Variants in PEAR1 observed in about 807,000 individuals in gnomAD.
The protein encoded by PEAR1 is platelet endothelial aggregation receptor 1, also known as multiple EGF-like domains protein 12.
PEAR1 carries 113 observed loss-of-function variants against 131.2 expected under a neutral mutation model. The ratio of observed to expected loss-of-function variants is 0.86; its 90% CI spans 0.74 to 1.01. The LOEUF is 1.01. Ranked by LOEUF, PEAR1 falls within the 50% of genes least tolerant of loss-of-function variation. PEAR1 has a pLI of 0.00. For synonymous variants in PEAR1, 565 were observed against 523.3 expected, an observed-to-expected ratio of 1.08 and a Z score of -1.09; for missense variants, 1,408 against 1,391.1, an observed-to-expected ratio of 1.01 and a Z score of -0.19.
chr1:156,907,639 C>T lies in PEAR1; in HGVS notation c.674C>T (p.Ser225Phe). 6.2e-7 allele frequency: 1 copy of T among 1,613,960 alleles called. No homozygotes were observed. The highest frequency in any genetic ancestry group is 8.5e-7 in the Non-Finnish European group (1 of 1,179,886). Residue 225 changes from serine (S) to phenylalanine (F), a missense_variant, in exon 7 of 23, where the codon TCT becomes TTT. Physicochemically the swap from Ser to Phe is radical, Grantham distance 155. Coordinates refer to ENST00000292357, the MANE Select transcript of PEAR1 (RefSeq NM_001080471.3). ...GACGTGTCCTGTTCCCAGGGCACTT[C>T]TGGCTTCTTCTGCCCCAGCACCCAT... ...SCDVSCSQGT[S>F]GFFCPSTHSC...
rs146640686 is a variant in PEAR1, at chr1:156,914,249, C to T, written c.2962+149C>T. The T allele has an allele frequency of 1.2e-3, 1,566 of 1,283,954 alleles. 15 individuals are homozygous for T. In the African/African-American group the frequency reaches 0.019, roughly 16 times the overall value. The allele number at this position is 1,283,954 out of a possible 1,614,324, so 79.5% of individuals were successfully genotyped here. ...AGCTTCGGGCTCAAATCAGGCATGA[C>T]GGGGAGGCGACGTGGCCTCTCAGAG... On this transcript the variant is annotated intron_variant, in intron 22 of 22. Transcript: ENST00000292357.
chr1:156,909,007 C>T lies in PEAR1; in HGVS notation c.1382C>T (p.Pro461Leu). Reference sequence around the variant, plus strand: ...TGTGAAAATGCCATCGCCTGCTCACCCATCGACGGCGAGTGCGTCTGCAAG... The same window carrying T: ...TGTGAAAATGCCATCGCCTGCTCACTCATCGACGGCGAGTGCGTCTGCAAG... The part of the protein sequence containing the change: ...CSCENAIACS[P>L]IDGECVCKEG... Residue 461 changes from proline to leucine, a missense_variant, in exon 11 of 23, where the codon CCC (proline) becomes CTC (leucine). Pro to Leu is a moderately conservative substitution (Grantham distance 98). Transcript: ENST00000292357. 6.2e-7 allele frequency: 1 copy of T among 1,614,094 alleles called. No individual in the cohort carries two copies. Among genetic ancestry groups the T allele is most frequent in the South Asian group, 1.1e-5 (1 of 91,078 alleles).
At chr1:156,898,018 T>C (rs1469082113) in intron 1 of PEAR1, among the ~76,000 whole-genome samples, 2 of 152,108 alleles carry the variant, frequency 1.3e-5, no homozygotes, top group African/African-American at 4.8e-5. Flanking sequence ...CACTGCTCCC[T>C]AGTCTATGTC....
Position 156,905,318 on chromosome 1 carries a change from C to T in PEAR1, c.207-6C>T, listed in dbSNP as rs1650154155. Reference sequence around the variant, plus strand: ...GGGCTGAGGGCCGCCTTCCTGGCCTCCGCAGGGTTGTATACCGGACCGTGT... The same window carrying T: ...GGGCTGAGGGCCGCCTTCCTGGCCTTCGCAGGGTTGTATACCGGACCGTGT... On this transcript the variant is annotated splice_region_variant and splice_polypyrimidine_tract_variant and intron_variant, in intron 3 of 22. Transcript: ENST00000292357. 6.2e-7 allele frequency: 1 copy of T among 1,610,516 alleles called. No homozygotes were observed. Among genetic ancestry groups the T allele is most frequent in the Non-Finnish European group, 8.5e-7 (1 of 1,179,534 alleles).
intron 1 of PEAR1, among the ~76,000 whole-genome samples, chr1:156,894,307 C>T (rs1394676411): frequency 7.2e-5 from 11 of 152,180 alleles, no homozygotes; most frequent in Admixed American, 7.2e-4. Flanking sequence ...GGTCAAGAGG[C>T]CTGACCTCTG....
intron 4 of PEAR1, 77 bp downstream of exon 4, chr1:156,905,501 C>A: frequency 1.5e-6 from 2 of 1,298,392 alleles, no homozygotes; most frequent in Non-Finnish European, 2.1e-6. Flanking sequence ...CTGAGTCCCT[C>A]CCGGCCCCCG....
intron 4 of PEAR1, 44 bp downstream of exon 4, chr1:156,905,468 T>C (rs1464190283): frequency 1.3e-6 from 2 of 1,521,148 alleles, no homozygotes; most frequent in East Asian, 2.3e-5. Context: ...GGCAATGGAA[T>C]GCGGGGAGCT....
Position 156,903,912 on chromosome 1 carries a change from C to G in PEAR1, c.-9-6C>G, listed in dbSNP as rs777615509. 1 of 1,610,822 alleles carries G rather than the reference C, an allele frequency of 6.2e-7. No individual in the cohort carries two copies. Among genetic ancestry groups the G allele is most frequent in the Non-Finnish European group, 8.5e-7 (1 of 1,177,582 alleles). ...CACTGCCCACTCTGCGCCGGTCTTG[C>G]TGCAGGCCTCTGCAATGTCACCGCC... On this transcript the variant is annotated splice_region_variant and splice_polypyrimidine_tract_variant and intron_variant, in intron 1 of 22. Transcript: ENST00000292357.
Position 156,903,884 on chromosome 1 carries a change from C to T in PEAR1, c.-9-34C>T, listed in dbSNP as rs375125154. The T allele has an allele frequency of 1.0e-4, 161 of 1,557,656 alleles. 1 individual carries two copies. The South Asian group carries it at 1.3e-3, about 12-fold the overall frequency. On this transcript the variant is annotated intron_variant, in intron 1 of 22. Transcript: ENST00000292357. ...AGGTCCTCCAGGCTGCTGGCTGCAGCGCCACTGCCCACTCTGCGCCGGTCT... is the reference window on the plus strand; with the variant it reads ...AGGTCCTCCAGGCTGCTGGCTGCAGTGCCACTGCCCACTCTGCGCCGGTCT...
At position 156,912,839 on chromosome 1, in the gene PEAR1, G is replaced by C; in HGVS notation, c.2279G>C (p.Gly760Ala). Residue 760 changes from glycine (G) to alanine (A), a missense_variant, in exon 18 of 23, where the codon GGC becomes GCC. By Grantham distance (60) the Gly-to-Ala change is moderately conservative. Transcript: ENST00000292357. Reference sequence around the variant, plus strand: ...TATAACTCGCTGGGTGCAGTGATTGGCATTGCAGTGCTGGGGTCCCTTGTG... The same window carrying C: ...TATAACTCGCTGGGTGCAGTGATTGCCATTGCAGTGCTGGGGTCCCTTGTG... ...VAYNSLGAVI[G>A]IAVLGSLVVA... 1 of 1,614,244 alleles carries C rather than the reference G, an allele frequency of 6.2e-7. No homozygotes were observed. Among genetic ancestry groups the C allele is most frequent in the South Asian group, 1.1e-5 (1 of 91,084 alleles).
In PEAR1 at chr1:156,910,091, G is replaced by GAC; in HGVS notation, c.1661_1662insAC (p.Cys554Ter). Residue 554 changes from cysteine to a stop codon, truncating the protein, a stop_gained and frameshift_variant, in exon 13 of 23, where the codon TGC becomes TGACC. Coordinates refer to ENST00000292357, the MANE Select transcript of PEAR1 (RefSeq NM_001080471.3). LOFTEE classifies it high-confidence loss of function. ...GACCCTGTTCATGGACGCTGTCAGT[G>GAC]CCAGGCTGGCTGGATGGGTGAGCAT... The part of the protein sequence containing the change: ...GCDPVHGRCQ[C>*]QAGWMGARCH... 1 of 1,614,178 alleles carries GAC rather than the reference G, an allele frequency of 6.2e-7. No homozygotes were observed. The highest frequency in any genetic ancestry group is 8.5e-7 in the Non-Finnish European group (1 of 1,180,018).
intron 20 of PEAR1, 45 bp downstream of exon 20, chr1:156,913,568 C>T (rs1416273261): frequency 6.2e-7 from 1 of 1,606,862 alleles, no homozygotes; most frequent in Non-Finnish European, 8.5e-7. Context: ...TGGATGTGTG[C>T]AGCCCAGATG....
At chr1:156,894,356 G>A (rs1468134809) in intron 1 of PEAR1, among the ~76,000 whole-genome samples, 2 of 152,214 alleles carry the variant, frequency 1.3e-5, no homozygotes, top group East Asian at 3.8e-4. Flanking sequence ...ATAATATAGG[G>A]CCTACCTCAT....
rs748509844 is a variant in PEAR1, at chr1:156,910,655, C to T, written c.1863C>T (p.Pro621=). The T allele has an allele frequency of 7.4e-6, 12 of 1,614,036 alleles. No homozygotes were observed. The African/African-American group carries it at 1.1e-4, about 14-fold the overall frequency. ...QPGRYGKRCV[P]CKCANHSFCH... ...GCCGCTATGGCAAACGCTGTGTGCC[C>T]TGCAAGTGCGCTAACCACTCCTTCT... Residue 621 remains proline, a synonymous_variant, in exon 15 of 23, where the codon CCC becomes CCT. Transcript: ENST00000292357.
chr1:156,905,055 G>A (rs1650090339), intron 3 of PEAR1: 1 of 1,437,402 alleles, frequency 7.0e-7, no homozygotes, highest in Non-Finnish European at 9.5e-7. Flanking sequence ...GGGTACGCAT[G>A]CATGTTACAG....
At chr1:156,911,086 T>TTTC in intron 15 of PEAR1, among the ~76,000 whole-genome samples, 1 of 137,984 alleles carries the variant, frequency 7.2e-6, no homozygotes, top group African/African-American at 3.0e-5. Flanking sequence ...TCTTTCTTTC[T>TTTC]TTCTTTCCTT....
In PEAR1 at chr1:156,906,850, G is replaced by A; in HGVS notation, c.614G>A (p.Cys205Tyr). 1 of 1,614,138 alleles carries A rather than the reference G, an allele frequency of 6.2e-7. No individual in the cohort carries two copies. ...GAPCDPQTGA[C>Y]FCPAERTGPS... Reference sequence around the variant, plus strand: ...CCCTGCGATCCCCAGACTGGAGCCTGCTTCTGCCCCGCAGAGAGAACTGGG... The same window carrying A: ...CCCTGCGATCCCCAGACTGGAGCCTACTTCTGCCCCGCAGAGAGAACTGGG... The change falls in exon 6 of 23, where the codon TGC (cysteine) becomes TAC (tyrosine). Residue 205 changes from cysteine to tyrosine, a missense_variant. By Grantham distance (194) the Cys-to-Tyr change is radical. Coordinates refer to ENST00000292357, the MANE Select transcript of PEAR1 (RefSeq NM_001080471.3).
At chr1:156,907,275 C>T (rs1313245046) in intron 6 of PEAR1, among the ~76,000 whole-genome samples, 1 of 152,170 alleles carries the variant, frequency 6.6e-6, no homozygotes, top group African/African-American at 2.4e-5. Flanking sequence ...ATCAAGATCA[C>T]GCTTTGTGGA....
At chr1:156,906,985 T>C (rs907477699) in intron 6 of PEAR1, 105 bp downstream of exon 6, 9 of 1,460,778 alleles carry the variant, frequency 6.2e-6, no homozygotes, top group African/African-American at 1.4e-5. Context: ...AGTGTGGGGA[T>C]GATGTGGAGG....
Sources: gnomAD v4.1 joint callset for allele counts (sites outside exome capture counted in the v4.1 genomes callset) on GRCh38, gnomAD v4.1.1 for gene constraint, MANE v1.5 for transcripts, NCBI Gene and HGNC (gene_info 2026-07-23, HGNC 2026-07-21) for gene names.